Variants in COL4A3 observed in about 807,000 individuals in gnomAD.
COL4A3 encodes the protein collagen type IV alpha 3 chain.
Under a neutral mutation model 217.4 loss-of-function variants are expected in COL4A3, and 135 were observed. That is an observed-to-expected ratio of 0.62 (90% CI 0.54 to 0.72). The LOEUF is 0.72. Ranked by LOEUF, COL4A3 falls within the 30% of genes least tolerant of loss-of-function variation. The pLI, the probability that COL4A3 is intolerant of heterozygous loss-of-function variation, is 0.00. For synonymous variants in COL4A3, 690 were observed against 736.3 expected (o/e 0.94, Z 1.02); for missense variants, 1,868 against 2,119.9 (o/e 0.88, Z 2.33).
At chr2:227,219,189 G>A (rs1275846022) in intron 1 of COL4A3, among the ~76,000 whole-genome samples, 2 of 151,848 alleles carry the variant, frequency 1.3e-5, no homozygotes, top group Non-Finnish European at 2.9e-5. Flanking sequence ...AAGTAGATAC[G>A]GAGGTTTCTC....
chr2:227,293,762 G>A (rs1055281518), intron 38 of COL4A3: 1 of 469,990 alleles, frequency 2.1e-6, no homozygotes, highest in Non-Finnish European at 4.4e-6. Flanking sequence ...CTCCGAGTCT[G>A]TGATCAAGCT....
At chr2:227,245,772 A>T in intron 5 of COL4A3, 182 bp from the exon 6 acceptor site, 7 of 670,172 alleles carry the variant, frequency 1.0e-5, no homozygotes, top group Non-Finnish European at 1.9e-5. Context: ...TCTTCATATC[A>T]GTCAGCCTGT....
At chr2:227,182,186 T>A (rs2125675293) in intron 1 of COL4A3, among the ~76,000 whole-genome samples, 1 of 152,280 alleles carries the variant, frequency 6.6e-6, no homozygotes, top group Non-Finnish European at 1.5e-5. Flanking sequence ...AAATATGGAA[T>A]TTACAGTTAT....
chr2:227,202,406 A>C (rs11687703), intron 1 of COL4A3, among the ~76,000 whole-genome samples: 37,744 of 151,944 alleles, frequency 0.25, 5,106 homozygotes, highest in Non-Finnish European at 0.3. Flanking sequence ...AAGTTTACTA[A>C]CTGGAGTGAA....
intron 26 of COL4A3, among the ~76,000 whole-genome samples, chr2:227,275,905 A>C (rs193114198): frequency 6.6e-6 from 1 of 150,942 alleles, no homozygotes; most frequent in Non-Finnish European, 1.5e-5. Flanking sequence ...GGCTCTTTTC[A>C]ATAGACCAGC....
intron 1 of COL4A3, among the ~76,000 whole-genome samples, chr2:227,172,467 CAG>C (rs945435875): frequency 6.6e-6 from 1 of 152,010 alleles, no homozygotes; most frequent in Non-Finnish European, 1.5e-5. Flanking sequence ...GGGAGAAAGA[CAG>C]AGAGAGAGCT....
intron 1 of COL4A3, among the ~76,000 whole-genome samples, chr2:227,203,404 C>T (rs201357377): frequency 1.2e-4 from 3 of 24,750 alleles, no homozygotes; most frequent in Admixed American, 5.0e-4. Context: ...TATGTGTATA[C>T]ATACATATAT....
intron 50 of COL4A3, among the ~76,000 whole-genome samples, chr2:227,310,533 C>T (rs1380975947): frequency 6.6e-6 from 1 of 152,202 alleles, no homozygotes; most frequent in Admixed American, 6.5e-5. Flanking sequence ...CCAGGCTGGC[C>T]TCAAACTCCT....
intron 1 of COL4A3, among the ~76,000 whole-genome samples, chr2:227,183,533 A>G (rs1359862648): frequency 1.3e-5 from 2 of 152,172 alleles, no homozygotes; most frequent in South Asian, 2.1e-4. Flanking sequence ...CAGACCAGGC[A>G]TTAGGGGGCA....
chr2:227,293,884 C>T, intron 38 of COL4A3: 1 of 438,172 alleles, frequency 2.3e-6, no homozygotes, highest in Non-Finnish European at 4.7e-6. Context: ...ACACCACTCA[C>T]ATTGGATTAG....
chr2:227,169,258 T>C (rs1202618466), intron 1 of COL4A3: 1 of 151,458 alleles, frequency 6.6e-6, no homozygotes, highest in African/African-American at 2.4e-5. Context: ...CCATGGTGTA[T>C]ATGTGCCACA....
intron 1 of COL4A3, among the ~76,000 whole-genome samples, chr2:227,172,275 G>T (rs1223230882): frequency 1.3e-5 from 2 of 152,192 alleles, no homozygotes; most frequent in East Asian, 3.9e-4. Context: ...ATAACCGCCT[G>T]ACCATCATAT....
intron 1 of COL4A3, among the ~76,000 whole-genome samples, chr2:227,186,896 C>T (rs909279901): frequency 3.9e-5 from 6 of 152,100 alleles, no homozygotes; most frequent in Non-Finnish European, 8.8e-5. Flanking sequence ...CTGGTGAGGG[C>T]CTGTTTCCTG....
chr2:227,256,290 A>G (rs2070167971), intron 16 of COL4A3, 53 bp from the exon 17 acceptor site: 1 of 1,531,324 alleles, frequency 6.5e-7, no homozygotes, highest in Non-Finnish European at 9.0e-7. Flanking sequence ...GCTCCCCCAG[A>G]AGAAGTTGGC....
At chr2:227,283,928 TTA>T (rs1158963801) in intron 33 of COL4A3, 72 bp downstream of exon 33, 32 of 1,351,410 alleles carry the variant, frequency 2.4e-5, no homozygotes, top group Non-Finnish European at 3.2e-5. Context: ...GCAAAAAAAG[TTA>T]TGTTTCATTG....
intron 1 of COL4A3, among the ~76,000 whole-genome samples, chr2:227,182,155 A>T (rs2065885422): frequency 6.6e-6 from 1 of 152,210 alleles, no homozygotes; most frequent in African/African-American, 2.4e-5. Flanking sequence ...AATGAACCAT[A>T]GGAATATCTT....
chr2:227,215,009 T>C lies in COL4A3; in HGVS notation c.88-22959T>C, dbSNP rs547803958. Among the ~76,000 whole-genome samples, 3 of 152,362 alleles carry C rather than the reference T, an allele frequency of 2.0e-5. No homozygotes were observed. The East Asian group carries it at 5.8e-4, about 29-fold the overall frequency. On this transcript the variant is annotated intron_variant, in intron 1 of 51. Coordinates refer to ENST00000396578, the MANE Select transcript of COL4A3 (RefSeq NM_000091.5). ...TTGAATGTCTGAAACGTATACTGGA[T>C]ACTTTTTGGTTTGTTTACTCGGCTT...
In COL4A3 at chr2:227,290,762, G is replaced by A; in HGVS notation, c.3086G>A (p.Arg1029Lys). 1 of 1,613,288 alleles carries A rather than the reference G, an allele frequency of 6.2e-7. No homozygotes were observed. Among genetic ancestry groups the A allele is most frequent in the Non-Finnish European group, 8.5e-7 (1 of 1,179,910 alleles). ...NMGMPGSKGKRGTLGFPGRAG... is the reference protein window; with the variant it reads ...NMGMPGSKGKKGTLGFPGRAG... ...CTAATTTCAGGTTCTAAAGGAAAAA[G>A]GGGAACTTTGGGATTCCCAGGTCGA... The change falls in exon 37 of 52, where the codon AGG becomes AAG. Residue 1029 changes from arginine (R) to lysine (K), a missense_variant. By Grantham distance (26) the Arg-to-Lys change is conservative. Coordinates refer to ENST00000396578, the MANE Select transcript of COL4A3 (RefSeq NM_000091.5).
intron 26 of COL4A3, 150 bp downstream of exon 26, chr2:227,273,267 G>T (rs2071353596): frequency 2.2e-6 from 2 of 891,438 alleles, no homozygotes; most frequent in Non-Finnish European, 3.5e-6. Context: ...GAAAGAATAT[G>T]TAGGGTATGT....
Sources: allele counts gnomAD v4.1 joint callset (sites outside exome capture counted in the v4.1 genomes callset), GRCh38; gene constraint gnomAD v4.1.1; transcripts MANE v1.5; gene names NCBI Gene and HGNC (gene_info 2026-07-23, HGNC 2026-07-21).